Variants in PPM1E observed in about 807,000 individuals in gnomAD.
PPM1E encodes the protein protein phosphatase 1E.
PPM1E carries 20 observed loss-of-function variants against 65.9 expected under a neutral mutation model. That is an observed-to-expected ratio of 0.30 (90% CI 0.21 to 0.44). The LOEUF (loss-of-function observed/expected upper bound fraction) is 0.44, where lower values mean the gene tolerates loss of function less well. Among genes scored for constraint, PPM1E ranks in the 20% least tolerant of loss-of-function variants. The pLI, the probability that PPM1E is intolerant of heterozygous loss-of-function variation, is 1.00. For synonymous variants in PPM1E, 352 were observed against 374.9 expected (o/e 0.94, Z 0.70); for missense variants, 713 against 953.1 (o/e 0.75, Z 3.32).
chr17:58,796,769 T>A (rs1183754512), intron 1 of PPM1E, among the ~76,000 whole-genome samples: 2 of 152,202 alleles, frequency 1.3e-5, no homozygotes, highest in African/African-American at 4.8e-5. Flanking sequence ...ATCTTCTATA[T>A]GTTTATACAT....
intron 1 of PPM1E, among the ~76,000 whole-genome samples, chr17:58,909,394 C>T (rs2051596901): frequency 6.6e-6 from 1 of 152,038 alleles, no homozygotes; most frequent in South Asian, 2.1e-4. Context: ...GTAGCTAGGA[C>T]TACAGGTACA....
intron 1 of PPM1E, among the ~76,000 whole-genome samples, chr17:58,835,093 C>A (rs1018194809): frequency 1.1e-4 from 16 of 152,170 alleles, no homozygotes; most frequent in Admixed American, 9.2e-4. Flanking sequence ...ATAATCCCAG[C>A]ACTTTGAGAG....
intron 1 of PPM1E, among the ~76,000 whole-genome samples, chr17:58,857,625 C>T (rs2050896716): frequency 6.6e-6 from 1 of 152,002 alleles, no homozygotes; most frequent in African/African-American, 2.4e-5. Context: ...AGTAATTTTT[C>T]CTATAGGCTT....
At chr17:58,867,682 C>A (rs1476090709) in intron 1 of PPM1E, among the ~76,000 whole-genome samples, 1 of 152,150 alleles carries the variant, frequency 6.6e-6, no homozygotes, top group Non-Finnish European at 1.5e-5. Flanking sequence ...AATTCAGTAT[C>A]CTCTATGGCA....
At chr17:58,883,637 C>T (rs966669016) in intron 1 of PPM1E, among the ~76,000 whole-genome samples, 2 of 151,466 alleles carry the variant, frequency 1.3e-5, no homozygotes, top group Admixed American at 6.6e-5. Flanking sequence ...GCGCCCGCCA[C>T]CACGCCCGGC....
chr17:58,975,449 C>A (rs548007648), intron 6 of PPM1E, among the ~76,000 whole-genome samples: 95 of 152,160 alleles, frequency 6.2e-4, no homozygotes, highest in African/African-American at 2.2e-3. Flanking sequence ...CCAACCTGGG[C>A]AACATAGTGA....
At chr17:58,835,266 G>C (rs146170774) in intron 1 of PPM1E, among the ~76,000 whole-genome samples, 1 of 152,084 alleles carries the variant, frequency 6.6e-6, no homozygotes, top group Non-Finnish European at 1.5e-5. Flanking sequence ...GATTGAGTCT[G>C]GGAGGTCAAG....
chr17:58,908,047 G>A (rs1194603495), intron 1 of PPM1E, among the ~76,000 whole-genome samples: 1 of 148,236 alleles, frequency 6.7e-6, no homozygotes, highest in Non-Finnish European at 1.5e-5. Context: ...CTTGTTCTTT[G>A]TTTCTATTTT....
At chr17:58,763,592 G>A (rs1028817310) in intron 1 of PPM1E, among the ~76,000 whole-genome samples, 1 of 152,142 alleles carries the variant, frequency 6.6e-6, no homozygotes, top group African/African-American at 2.4e-5. Context: ...TTGTGCATAT[G>A]TTCCTAGGTT....
At chr17:58,863,694 T>C (rs143551806) in intron 1 of PPM1E, among the ~76,000 whole-genome samples, 388 of 152,278 alleles carry the variant, frequency 2.5e-3, no homozygotes, top group African/African-American at 9.0e-3. Flanking sequence ...AGAGATTTTA[T>C]TGAGCAATGG....
At chr17:58,803,281 C>G (rs772636891) in intron 1 of PPM1E, among the ~76,000 whole-genome samples, 3 of 152,018 alleles carry the variant, frequency 2.0e-5, no homozygotes, top group Non-Finnish European at 4.4e-5. Context: ...AGTTTTTTAT[C>G]AAAAAATGAT....
intron 1 of PPM1E, among the ~76,000 whole-genome samples, chr17:58,884,032 T>C (rs1473167167): frequency 5.3e-5 from 8 of 152,218 alleles, no homozygotes; most frequent in African/African-American, 1.9e-4. Flanking sequence ...CATCTGTGCA[T>C]AGGGTCACTT....
At chr17:58,779,463 A>G (rs1359726911) in intron 1 of PPM1E, among the ~76,000 whole-genome samples, 2 of 152,042 alleles carry the variant, frequency 1.3e-5, no homozygotes, top group Non-Finnish European at 2.9e-5. Context: ...GTGAGCCACC[A>G]TGCCCAGCCT....
chr17:58,898,875 G>A (rs1056998566), intron 1 of PPM1E, among the ~76,000 whole-genome samples: 3 of 151,992 alleles, frequency 2.0e-5, no homozygotes, highest in South Asian at 2.1e-4. Context: ...GGATGAAGCC[G>A]GAAACCATCA....
Position 58,983,739 on chromosome 17 carries a change from T to A in PPM1E, c.*2708T>A, listed in dbSNP as rs1177021903. 1 of 152,656 alleles carries A rather than the reference T, an allele frequency of 6.6e-6. No individual in the cohort carries two copies. The highest frequency in any genetic ancestry group is 1.9e-4 in the East Asian group (1 of 5,204). 9.5% of individuals were successfully genotyped at this position (152,656 alleles called of 1,614,324 possible). A position where few individuals can be genotyped will look rare whatever the true frequency, so the allele number is the denominator to read the frequency against. On this transcript the variant is annotated 3_prime_UTR_variant, in exon 7 of 7. Coordinates refer to ENST00000308249, the MANE Select transcript of PPM1E (RefSeq NM_014906.5). ...GTGGTGGTGAAAGTTCTACACTCAATCCTTAAAGAGTGGCAGTATCCCTTT... is the reference window on the plus strand; with the variant it reads ...GTGGTGGTGAAAGTTCTACACTCAAACCTTAAAGAGTGGCAGTATCCCTTT...
At chr17:58,899,536 G>T in intron 1 of PPM1E, 2 of 225,376 alleles carry the variant, frequency 8.9e-6, no homozygotes, top group South Asian at 1.5e-4. Flanking sequence ...AATTAAGGTT[G>T]ACCAGAAAGT....
chr17:58,865,911 G>A (rs1473175309), intron 1 of PPM1E, among the ~76,000 whole-genome samples: 1 of 152,172 alleles, frequency 6.6e-6, no homozygotes, highest in Non-Finnish European at 1.5e-5. Flanking sequence ...ATTATTTGCT[G>A]AGACAAAGAA....
chr17:58,956,495 G>T (rs1388489767), intron 2 of PPM1E, among the ~76,000 whole-genome samples: 1 of 150,200 alleles, frequency 6.7e-6, no homozygotes, highest in East Asian at 1.9e-4. Flanking sequence ...CAAGTTAAAA[G>T]ATACAAAAAT....
At chr17:58,839,389 G>A (rs961390952) in intron 1 of PPM1E, among the ~76,000 whole-genome samples, 1 of 152,028 alleles carries the variant, frequency 6.6e-6, no homozygotes, top group African/African-American at 2.4e-5. Context: ...GGGAAAGAAA[G>A]CAGACTGTGA....
Sources: gnomAD v4.1 joint callset for allele counts (sites outside exome capture counted in the v4.1 genomes callset) on GRCh38, gnomAD v4.1.1 for gene constraint, MANE v1.5 for transcripts, NCBI Gene and HGNC (gene_info 2026-07-23, HGNC 2026-07-21) for gene names.